Variants in DENND6A observed in about 807,000 individuals in gnomAD.
DENND6A encodes protein DENND6A.
A neutral mutation model predicts 95.5 loss-of-function variants in DENND6A; 43 were observed. The ratio of observed to expected loss-of-function variants is 0.45; its 90% CI spans 0.35 to 0.58. The LOEUF (loss-of-function observed/expected upper bound fraction) is 0.58. Among genes scored for constraint, DENND6A ranks in the 20% least tolerant of loss-of-function variants. DENND6A has a pLI of 0.00. For missense variants in DENND6A, 574 were observed against 736.0 expected, an observed-to-expected ratio of 0.78 and a Z score of 2.55; for synonymous variants, 257 against 260.4, an observed-to-expected ratio of 0.99 and a Z score of 0.13.
At chr3:57,632,371 G>A (rs1324842087) in intron 15 of DENND6A, among the ~76,000 whole-genome samples, 2 of 151,836 alleles carry the variant, frequency 1.3e-5, no homozygotes, top group East Asian at 3.9e-4. Flanking sequence ...CCAGGATGGA[G>A]TGCAGTCGTG....
intron 12 of DENND6A, among the ~76,000 whole-genome samples, chr3:57,638,518 T>C (rs1349338887): frequency 6.6e-6 from 1 of 151,634 alleles, no homozygotes; most frequent in Admixed American, 6.6e-5. Context: ...ATTAGCTGGG[T>C]GTGGTGGTGC....
chr3:57,632,662 G>A (rs751984957), intron 15 of DENND6A, among the ~76,000 whole-genome samples: 4 of 152,062 alleles, frequency 2.6e-5, no homozygotes, highest in Admixed American at 6.6e-5. Context: ...ACTGCAAAAA[G>A]TTTCTCTATG....
At chr3:57,657,537 G>T in intron 9 of DENND6A, 143 bp downstream of exon 9, 1 of 549,576 alleles carries the variant, frequency 1.8e-6, no homozygotes, top group Non-Finnish European at 3.3e-6. Flanking sequence ...ACCCAGGGAT[G>T]AACCATTGAT....
At chr3:57,668,103 T>G (rs1335039000) in intron 3 of DENND6A, among the ~76,000 whole-genome samples, 1 of 152,184 alleles carries the variant, frequency 6.6e-6, no homozygotes, top group Non-Finnish European at 1.5e-5. Flanking sequence ...ATTTCTTTTT[T>G]TTCCTCATTT....
At chr3:57,692,695 G>A (rs917006734) in intron 1 of DENND6A, 87 bp downstream of exon 1, 3 of 1,250,996 alleles carry the variant, frequency 2.4e-6, no homozygotes, top group South Asian at 3.4e-5. Context: ...ACAGGGTCCT[G>A]GCCGGTCAGC....
chr3:57,660,848 TATA>T lies in DENND6A; in HGVS notation c.620-12_620-10del. On this transcript the variant is annotated splice_polypyrimidine_tract_variant and intron_variant, in intron 6 of 19. Transcript: ENST00000311128. ...ATCAACATCATTACAAGCTGAAAAA[TATA>T]ATAAAATATTTTCTTAGAATAAGTG... 1.9e-6 allele frequency: 3 copies of T among 1,569,598 alleles called. No individual in the cohort carries two copies. The highest frequency in any genetic ancestry group is 2.6e-6 in the Non-Finnish European group (3 of 1,161,724).
At chr3:57,630,657 T>C (rs1336693142) in intron 17 of DENND6A, 58 bp downstream of exon 17, 3 of 1,565,108 alleles carry the variant, frequency 1.9e-6, no homozygotes, top group African/African-American at 1.4e-5. Flanking sequence ...TTTAGCTTTT[T>C]GTTTTGCTTT....
chr3:57,682,275 C>T (rs2077172788), intron 1 of DENND6A, among the ~76,000 whole-genome samples: 1 of 121,830 alleles, frequency 8.2e-6, no homozygotes. Flanking sequence ...GAGTGAGACT[C>T]CGTCTCAAAA....
At chr3:57,685,882 C>T (rs1575871981) in intron 1 of DENND6A, among the ~76,000 whole-genome samples, 1 of 152,168 alleles carries the variant, frequency 6.6e-6, no homozygotes, top group Admixed American at 6.6e-5. Flanking sequence ...CTGAAACGGT[C>T]TCAGAGATGC....
At chr3:57,678,415 CAAAAATAGTTTAAGATAAGA>C (rs1317189229) in intron 1 of DENND6A, among the ~76,000 whole-genome samples, 1 of 152,118 alleles carries the variant, frequency 6.6e-6, no homozygotes, top group East Asian at 1.9e-4. Context: ...ACAAAGAGAA[CAAAAATAGTTTAAGATAAGA>C]TTTTTTTTTC....
At chr3:57,691,669 C>CAAAAAAAAAAAAAAAAA (rs71091304) in intron 1 of DENND6A, among the ~76,000 whole-genome samples, 1 of 93,596 alleles carries the variant, frequency 1.1e-5, no homozygotes, top group Non-Finnish European at 2.0e-5. Flanking sequence ...TCACCAATAC[C>CAAAAAAAAAAAAAAAAA]AAAAAAAAAA....
At position 57,657,161 on chromosome 3, in the gene DENND6A, C is replaced by G. The variant is rs187958667; in HGVS notation, c.818+519G>C. ...GCACAAACATTACTTTTTATTTTTC[C>G]TCTATTTCTTTTCTAAGTGCTAACA... On this transcript the variant is annotated intron_variant, in intron 9 of 19. Coordinates refer to ENST00000311128, the MANE Select transcript of DENND6A (RefSeq NM_152678.3). Among the ~76,000 whole-genome samples the G allele has an allele frequency of 2.3e-3, 344 of 152,190 alleles. 1 individual carries two copies. The highest frequency in any genetic ancestry group is 1.3e-3 in the Non-Finnish European group (87 of 68,014).
At chr3:57,672,346 T>C in intron 2 of DENND6A, 48 bp from the exon 3 acceptor site, 1 of 1,609,734 alleles carries the variant, frequency 6.2e-7, no homozygotes, top group South Asian at 1.1e-5. Context: ...ACATAATCAA[T>C]AAAAACAAAC....
At chr3:57,645,634 T>G in intron 11 of DENND6A, 27 bp downstream of exon 11, 1 of 1,542,896 alleles carries the variant, frequency 6.5e-7, no homozygotes, top group Non-Finnish European at 8.9e-7. Context: ...AGGTAATACC[T>G]GGTCAATAGA....
In DENND6A at chr3:57,691,694, C is replaced by A. The variant is rs112377093; in HGVS notation, c.237+1088G>T. Among the ~76,000 whole-genome samples, 420 of 93,396 alleles carry A rather than the reference C, an allele frequency of 4.5e-3. 2 individuals are homozygous for A. Among genetic ancestry groups the A allele is most frequent in the African/African-American group, 0.015 (382 of 26,068 alleles). The allele number at this position is 93,396 out of a possible 152,430, so 61.3% of individuals were successfully genotyped here. A position where few individuals can be genotyped will look rare whatever the true frequency, so the allele number is the denominator to read the frequency against. Reference sequence around the variant, plus strand: ...CAAAAAAAAAAAAAAAAAAAAAAAACCAAAACCAAAACGTCTAAACAAACG... The same window carrying A: ...CAAAAAAAAAAAAAAAAAAAAAAAAACAAAACCAAAACGTCTAAACAAACG... On this transcript the variant is annotated intron_variant, in intron 1 of 19. Transcript: ENST00000311128.
intron 9 of DENND6A, chr3:57,654,925 T>C (rs2071294233): frequency 2.6e-6 from 1 of 388,698 alleles, no homozygotes; most frequent in South Asian, 1.1e-4. Context: ...AAAAGCACAG[T>C]CACAAATAAA....
chr3:57,634,952 G>A (rs1347500345), intron 12 of DENND6A, among the ~76,000 whole-genome samples, 183 bp from the exon 13 acceptor site: 1 of 152,046 alleles, frequency 6.6e-6, no homozygotes, highest in East Asian at 1.9e-4. Flanking sequence ...AAGAATACTG[G>A]ATTACTACAA....
At chr3:57,632,848 C>T (rs1487041557) in intron 15 of DENND6A, among the ~76,000 whole-genome samples, 1 of 152,184 alleles carries the variant, frequency 6.6e-6, no homozygotes, top group African/African-American at 2.4e-5. Flanking sequence ...TCCCTGTTAT[C>T]ATAGAGCTAC....
chr3:57,630,637 T>A (rs2070647871), intron 17 of DENND6A, 78 bp downstream of exon 17: 3 of 1,541,864 alleles, frequency 1.9e-6, no homozygotes, highest in Non-Finnish European at 2.6e-6. Context: ...TTAAAAAGAA[T>A]AAGCTTAAGT....
Sources: allele counts gnomAD v4.1 joint callset (sites outside exome capture counted in the v4.1 genomes callset), GRCh38; gene constraint gnomAD v4.1.1; transcripts MANE v1.5; gene names NCBI Gene and HGNC (gene_info 2026-07-23, HGNC 2026-07-21).